MBP: variants seen among roughly 807,000 people sequenced by gnomAD.
The protein encoded by MBP is Golli-MBP.
A neutral mutation model predicts 35.8 loss-of-function variants in MBP; 16 were observed. The ratio of observed to expected loss-of-function variants is 0.45; its 90% CI spans 0.30 to 0.68. The LOEUF (loss-of-function observed/expected upper bound fraction) is 0.68, where lower values mean the gene tolerates loss of function less well. Ranked by LOEUF, MBP falls within the 30% of genes least tolerant of loss-of-function variation. The probability of loss-of-function intolerance (pLI) is 0.08; values close to 1 mark genes in which losing one functional copy is unlikely to be tolerated. For missense variants in MBP, 380 were observed against 404.7 expected (o/e 0.94, Z 0.52); for synonymous variants, 143 against 159.6 (o/e 0.90, Z 0.78).
intron 4 of MBP, among the ~76,000 whole-genome samples, chr18:76,996,537 G>A (rs1472748722): frequency 1.3e-5 from 2 of 152,168 alleles, no homozygotes; most frequent in African/African-American, 4.8e-5. Flanking sequence ...AATACTGTTC[G>A]GCAATAAAAA....
chr18:77,016,589 T>A, intron 4 of MBP: 1 of 1,385,982 alleles, frequency 7.2e-7, no homozygotes, highest in Non-Finnish European at 9.3e-7. Context: ...TGTCCTTACA[T>A]TCCTGAGCCA....
intron 2 of MBP, among the ~76,000 whole-genome samples, chr18:77,072,275 G>T (rs1365475701): frequency 6.6e-6 from 1 of 152,156 alleles, no homozygotes; most frequent in African/African-American, 2.4e-5. Flanking sequence ...CAGAGGGGAT[G>T]CTACTAAAAG....
chr18:77,066,159 G>A (rs911368101), intron 3 of MBP, 139 bp downstream of exon 3: 1 of 655,734 alleles, frequency 1.5e-6, no homozygotes, highest in South Asian at 1.9e-5. Flanking sequence ...AATGATCCCA[G>A]CCTCTATGTT....
chr18:77,079,213 A>C (rs9954182), intron 2 of MBP, among the ~76,000 whole-genome samples: 1 of 152,002 alleles, frequency 6.6e-6, no homozygotes. Context: ...TGAGAAGAGG[A>C]CATCACCCAA....
intron 2 of MBP, among the ~76,000 whole-genome samples, chr18:77,079,881 G>A (rs1485598293): frequency 1.3e-5 from 2 of 152,160 alleles, no homozygotes; most frequent in Non-Finnish European, 1.5e-5. Context: ...CAGAATAGGG[G>A]AGGAGAAGCA....
At chr18:77,116,000 G>A (rs916345865) in intron 1 of MBP, among the ~76,000 whole-genome samples, 6 of 147,316 alleles carry the variant, frequency 4.1e-5, no homozygotes, top group Admixed American at 2.0e-4. Context: ...GCACTTTACT[G>A]GGCAACTGCC....
At position 77,098,269 on chromosome 18, in the gene MBP, A is replaced by T. The variant is rs896307723; in HGVS notation, c.51+6942T>A. 2.0e-5 allele frequency among the ~76,000 whole-genome samples: 3 copies of T among 149,984 alleles called. No homozygotes were observed. In the Admixed American group the frequency reaches 2.0e-4, roughly 10 times the overall value. On this transcript the variant is annotated intron_variant, in intron 2 of 8. Coordinates refer to ENST00000355994, the MANE Select transcript of MBP (RefSeq NM_001025101.2). ...CTATGTACAAGGGGGTGCACCACAC[A>T]TGTGGACTCACTCACTTTACATAAT...
intron 2 of MBP, among the ~76,000 whole-genome samples, chr18:77,082,003 CACA>C (rs1974961294): frequency 6.6e-6 from 1 of 150,832 alleles, no homozygotes; most frequent in Admixed American, 6.6e-5. Flanking sequence ...AGGTGCCCGC[CACA>C]ACGCCTGGCT....
intron 2 of MBP, among the ~76,000 whole-genome samples, chr18:77,091,587 C>G (rs1975522316): frequency 6.8e-6 from 1 of 148,014 alleles, no homozygotes; most frequent in Non-Finnish European, 1.5e-5. Flanking sequence ...GCAAGAGAAA[C>G]CACACACACA....
At chr18:77,105,343 GT>G in intron 1 of MBP, 57 bp from the exon 2 acceptor site, 2 of 1,132,896 alleles carry the variant, frequency 1.8e-6, no homozygotes, top group Admixed American at 3.4e-5. Flanking sequence ...AGTTTTCGAT[GT>G]TGTTTTTCCA....
At chr18:77,126,099 A>G (rs1447422216) in intron 1 of MBP, among the ~76,000 whole-genome samples, 1 of 152,222 alleles carries the variant, frequency 6.6e-6, no homozygotes, top group East Asian at 1.9e-4. Context: ...TGATACTGAA[A>G]CTAGCAAAGA....
intron 3 of MBP, among the ~76,000 whole-genome samples, chr18:77,059,461 T>G (rs1044334640): frequency 1.4e-4 from 19 of 131,046 alleles, no homozygotes; most frequent in African/African-American, 6.6e-4. Context: ...TAATTTAATT[T>G]TATAAAGTAG....
chr18:77,103,981 A>G (rs1223452880), intron 2 of MBP, among the ~76,000 whole-genome samples: 2 of 152,264 alleles, frequency 1.3e-5, no homozygotes, highest in Non-Finnish European at 2.9e-5. Context: ...AAGGATTCGA[A>G]TGACTTTTAA....
chr18:77,097,451 G>A (rs1238508266), intron 2 of MBP: 1 of 152,218 alleles, frequency 6.6e-6, no homozygotes, highest in Non-Finnish European at 1.5e-5. Context: ...TTTTCCGCAG[G>A]ATGTTGCTGC....
Position 77,105,254 on chromosome 18 carries a change from T to C in MBP, c.8A>G (p.Asn3Ser). The stretch of plus-strand genomic sequence containing the variant: ...ATTTAATTCTCGTTTGCCTGCGTGG[T>C]TTCCCATCCTGAATGGATTGGCTCT... The part of the protein sequence containing the change: MG[N>S]HAGKRELNAE... The change falls in exon 2 of 9, where the codon AAC (asparagine) becomes AGC (serine). Residue 3 changes from asparagine (N) to serine (S), a missense_variant. Coordinates refer to ENST00000355994, the MANE Select transcript of MBP (RefSeq NM_001025101.2). 6.2e-7 allele frequency: 1 copy of C among 1,612,454 alleles called. No individual in the cohort carries two copies. Among genetic ancestry groups the C allele is most frequent in the Non-Finnish European group, 8.5e-7 (1 of 1,178,826 alleles).
Position 76,988,185 on chromosome 18 carries a change from G to A in MBP, c.750+310C>T, listed in dbSNP as rs981234434. ...GAGGAAGTTAAACATTTTCTCGGAC[G>A]TGGTGTTGCTCCCTCCCTGGGAGGG... On this transcript the variant is annotated intron_variant, in intron 7 of 8. Coordinates refer to ENST00000355994, the MANE Select transcript of MBP (RefSeq NM_001025101.2). This position sits in a 1 kb window ranked among gnomAD's most constrained non-coding sequence, Gnocchi z 5.2. The A allele has an allele frequency of 1.2e-5, 19 of 1,544,578 alleles. No individual in the cohort carries two copies. The East Asian group carries it at 3.4e-4, about 28-fold the overall frequency.
intron 2 of MBP, among the ~76,000 whole-genome samples, chr18:77,104,897 CT>C (rs1976199457): frequency 6.6e-6 from 1 of 152,140 alleles, no homozygotes; most frequent in Admixed American, 6.5e-5. Context: ...TCTCTTTCTT[CT>C]TCTCCGTGTC....
intron 4 of MBP, among the ~76,000 whole-genome samples, chr18:76,995,533 A>G (rs1348284722): frequency 6.6e-6 from 1 of 152,226 alleles, no homozygotes; most frequent in Non-Finnish European, 1.5e-5. Flanking sequence ...AGACTCACCC[A>G]AATCTGACCA....
At chr18:76,992,276 C>T (rs533868705) in intron 4 of MBP, among the ~76,000 whole-genome samples, 1 of 152,320 alleles carries the variant, frequency 6.6e-6, no homozygotes, top group South Asian at 2.1e-4. Flanking sequence ...GCATTAGATT[C>T]CCATAAGGAG....
Sources: allele counts gnomAD v4.1 joint callset (sites outside exome capture counted in the v4.1 genomes callset), GRCh38; gene constraint gnomAD v4.1.1; non-coding constraint Gnocchi (gnomAD v3.1); transcripts MANE v1.5; gene names NCBI Gene and HGNC (gene_info 2026-07-23, HGNC 2026-07-21).